Variants in COL7A1 observed in about 807,000 individuals in gnomAD.
COL7A1 encodes the protein collagen alpha-1(VII) chain.
Under a neutral mutation model 456.2 loss-of-function variants are expected in COL7A1, and 296 were observed. The observed-to-expected ratio is 0.65, with a 90% CI of 0.59 to 0.71. The LOEUF is 0.71. COL7A1 is among the 30% of genes least tolerant of loss of function. The probability of loss-of-function intolerance (pLI) is 0.00; values close to 1 mark genes in which losing one functional copy is unlikely to be tolerated. For missense variants in COL7A1, 3,441 were observed against 4,017.2 expected (o/e 0.86, Z 3.88); for synonymous variants, 1,464 against 1,525.9 (o/e 0.96, Z 0.95).
rs1406399587 is a variant in COL7A1 at position 48,588,432 on chromosome 3, G to A, written c.2588-28C>T. 1.2e-6 allele frequency: 2 copies of A among 1,604,082 alleles called. No homozygotes were observed. The highest frequency in any genetic ancestry group is 4.5e-5 in the East Asian group (2 of 44,788). ...GGAGAGAAAGCTCAGGAATCAGGGA[G>A]GCTCTGCCCCCATGGCCCCTGCACC... On this transcript the variant is annotated intron_variant, in intron 20 of 118. Coordinates refer to ENST00000681320, the MANE Select transcript of COL7A1 (RefSeq NM_000094.4). The surrounding 1 kb of genome is among the most constrained non-coding windows in gnomAD (Gnocchi z 4.6).
Position 48,570,792 on chromosome 3 carries a change from C to A in COL7A1, c.7272+69G>T. On this transcript the variant is annotated intron_variant, in intron 95 of 118. Coordinates refer to ENST00000681320, the MANE Select transcript of COL7A1 (RefSeq NM_000094.4). This position sits in a 1 kb window ranked among gnomAD's most constrained non-coding sequence, Gnocchi z 5.5. ...CTGCCCCCTCAAGACTGGGAACCCC[C>A]AAGGCAGGGCCCCCTCCTCACCCAC... 2 of 1,560,854 alleles carry A rather than the reference C, an allele frequency of 1.3e-6. No homozygotes were observed. Among genetic ancestry groups the A allele is most frequent in the Non-Finnish European group, 1.7e-6 (2 of 1,152,350 alleles).
rs996671455 is a variant in COL7A1, at chr3:48,572,272, A to G, written c.6979-101T>C. ...GAGCTTAAATATGCGGTCTACTATG[A>G]AAGCTGAGGGTCATGAGGGTGGGTA... On this transcript the variant is annotated intron_variant, in intron 90 of 118. Coordinates refer to ENST00000681320, the MANE Select transcript of COL7A1 (RefSeq NM_000094.4). This position sits in a 1 kb window ranked among gnomAD's most constrained non-coding sequence, Gnocchi z 4.6. The G allele has an allele frequency of 3.7e-6, 6 of 1,611,328 alleles. No individual in the cohort carries two copies. In the African/African-American group the frequency reaches 8.0e-5, roughly 22 times the overall value.
Position 48,573,322 on chromosome 3 carries a change from T to C in COL7A1, c.6645A>G (p.Pro2215=). 6.2e-7 allele frequency: 1 copy of C among 1,613,996 alleles called. No individual in the cohort carries two copies. Among genetic ancestry groups the C allele is most frequent in the Non-Finnish European group, 8.5e-7 (1 of 1,179,998 alleles). The change falls in exon 84 of 119, where the codon CCA becomes CCG. Residue 2215 remains proline (P), a synonymous_variant. Transcript: ENST00000681320. This position sits in a 1 kb window ranked among gnomAD's most constrained non-coding sequence, Gnocchi z 5.5. ...TGTGAGCTAGGCCACTCACCCGTCCTGGAGGTCCTGTCTCTCCAGGCTCCC... is the reference window on the plus strand; with the variant it reads ...TGTGAGCTAGGCCACTCACCCGTCCCGGAGGTCCTGTCTCTCCAGGCTCCC... The part of the protein sequence containing the change: ...LKGEPGETGP[P]GRGLTGPTGA...
intron 46 of COL7A1, 44 bp downstream of exon 46, chr3:48,582,434 A>T (rs1379158493): frequency 6.2e-7 from 1 of 1,614,116 alleles, no homozygotes; most frequent in Admixed American, 1.7e-5. Flanking sequence ...CCCATCTGCC[A>T]CATCCCTAGT....
Position 48,578,453 on chromosome 3 carries a change from C to T in COL7A1, c.5487G>A (p.Pro1829=), listed in dbSNP as rs750754861. 6.2e-6 allele frequency: 10 copies of T among 1,613,204 alleles called. No individual in the cohort carries two copies. Among genetic ancestry groups the T allele is most frequent in the Non-Finnish European group, 6.8e-6 (8 of 1,180,030 alleles). Residue 1829 remains proline, a splice_region_variant and synonymous_variant, in exon 64 of 119, where the codon CCG becomes CCA. Coordinates refer to ENST00000681320, the MANE Select transcript of COL7A1 (RefSeq NM_000094.4). This position sits in a 1 kb window ranked among gnomAD's most constrained non-coding sequence, Gnocchi z 4.7. ...GGGTAACATGAAAGTCTGGTCTCAC[C>T]GGTAATCCAGGGGGACCAGAGGGGC... is the stretch of plus-strand genomic sequence containing the variant. ...LPGPSGPPGL[P]GKPGEDGKPG...
chr3:48,595,051 C>T lies in COL7A1; in HGVS notation c.85+24G>A, dbSNP rs763652135. ...GGTGGCACGGTGCAGTGCCCCGGGC[C>T]GGGTCCTCCCTTGCGGTGCCCACCT... On this transcript the variant is annotated intron_variant, in intron 2 of 118. Transcript: ENST00000681320. 31 of 1,537,524 alleles carry T rather than the reference C, an allele frequency of 2.0e-5. 2 individuals carry two copies. The Middle Eastern group carries it at 7.6e-4, about 38-fold the overall frequency.
rs187145965 is a variant in COL7A1, at chr3:48,580,251, C to G, written c.5097+49G>C. On this transcript the variant is annotated intron_variant, in intron 56 of 118. Coordinates refer to ENST00000681320, the MANE Select transcript of COL7A1 (RefSeq NM_000094.4). This position sits in a 1 kb window ranked among gnomAD's most constrained non-coding sequence, Gnocchi z 4.5. Reference sequence around the variant, plus strand: ...GTGTGAAGGCACACTGGCAGCAGCGCCAGGGGACCCTCCATCCCTTCTGAG... The same window carrying G: ...GTGTGAAGGCACACTGGCAGCAGCGGCAGGGGACCCTCCATCCCTTCTGAG... 1 of 1,599,016 alleles carries G rather than the reference C, an allele frequency of 6.3e-7. No individual in the cohort carries two copies. The highest frequency in any genetic ancestry group is 1.7e-5 in the Admixed American group (1 of 58,654).
Position 48,581,990 on chromosome 3 carries a change from T to C in COL7A1, c.4636-47A>G, listed in dbSNP as rs531893327. The C allele has an allele frequency of 1.5e-4, 248 of 1,613,466 alleles. 5 individuals are homozygous for C. In the South Asian group the frequency reaches 2.5e-3, roughly 16 times the overall value. ...ACAGCTTGGCCCTGCCTTGGGGTTG[T>C]ATGATCAAAGTCTTCATTGGAATGG... On this transcript the variant is annotated intron_variant, in intron 47 of 118. Transcript: ENST00000681320. This position sits in a 1 kb window ranked among gnomAD's most constrained non-coding sequence, Gnocchi z 5.8.
chr3:48,589,680 C>A lies in COL7A1; in HGVS notation c.2089G>T (p.Ala697Ser). 1 of 1,614,088 alleles carries A rather than the reference C, an allele frequency of 6.2e-7. No homozygotes were observed. Among genetic ancestry groups the A allele is most frequent in the Non-Finnish European group, 8.5e-7 (1 of 1,180,032 alleles). ...GPVRTVHVTQ[A>S]SSSSVTITWT... ...GTAATGGTGACAGATGAGCTGCTGG[C>A]CTGAGTCACATGGACCGTCCTCACT... Residue 697 changes from alanine (A) to serine (S), a missense_variant, in exon 17 of 119, where the codon GCC becomes TCC. Ala to Ser is a moderately conservative substitution (Grantham distance 99, BLOSUM62 1). This residue lies in a region of COL7A1 where 913 missense variants were observed against 1,088.2 expected (regional missense o/e 0.84). Coordinates refer to ENST00000681320, the MANE Select transcript of COL7A1 (RefSeq NM_000094.4).
rs1163096987 is a variant in COL7A1, at chr3:48,593,351, C to T, written c.520+5G>A. ...GCTGACCTGTCACTCCTGCTCGGTCCTTACCCACAGCAAATAGCTTGACCC... is the reference window on the plus strand; with the variant it reads ...GCTGACCTGTCACTCCTGCTCGGTCTTTACCCACAGCAAATAGCTTGACCC... On this transcript the variant is annotated splice_donor_5th_base_variant and intron_variant, in intron 5 of 118. Transcript: ENST00000681320. The surrounding 1 kb of genome is among the most constrained non-coding windows in gnomAD (Gnocchi z 4.4). 1.9e-6 allele frequency: 3 copies of T among 1,613,948 alleles called. No individual in the cohort carries two copies. The highest frequency in any genetic ancestry group is 2.2e-5 in the South Asian group (2 of 91,078).
Position 48,580,800 on chromosome 3 carries a change from A to T in COL7A1, c.4980+82T>A. On this transcript the variant is annotated intron_variant, in intron 54 of 118. Coordinates refer to ENST00000681320, the MANE Select transcript of COL7A1 (RefSeq NM_000094.4). The surrounding 1 kb of genome is among the most constrained non-coding windows in gnomAD (Gnocchi z 4.5). ...ATGCCTCCCTGCAGGGACTCCCATC[A>T]CCCCTTACCCCCCTCAGCCTTTCCT... The T allele has an allele frequency of 1.3e-6, 2 of 1,588,036 alleles. No individual in the cohort carries two copies. Among genetic ancestry groups the T allele is most frequent in the Non-Finnish European group, 1.7e-6 (2 of 1,157,472 alleles).
chr3:48,579,002 CTCTAG>C lies in COL7A1; in HGVS notation c.5389-53_5389-49del, dbSNP rs780056635. 2 of 1,612,414 alleles carry C rather than the reference CTCTAG, an allele frequency of 1.2e-6. No individual in the cohort carries two copies. The highest frequency in any genetic ancestry group is 3.3e-5 in the Admixed American group (2 of 60,000). On this transcript the variant is annotated intron_variant, in intron 62 of 118. Coordinates refer to ENST00000681320, the MANE Select transcript of COL7A1 (RefSeq NM_000094.4). This position sits in a 1 kb window ranked among gnomAD's most constrained non-coding sequence, Gnocchi z 4.4. The stretch of plus-strand genomic sequence containing the variant: ...TTCATCATGGTCATGGGGTCAGGGG[CTCTAG>C]TCCCTGTGAGCCTAAGGCCTGCATG...
At position 48,564,929 on chromosome 3, in the gene COL7A1, C is replaced by A. The variant is rs781582727; in HGVS notation, c.8672G>T (p.Arg2891Leu). Residue 2891 changes from arginine (R) to leucine (L), a missense_variant, in exon 118 of 119, where the codon CGC becomes CTC. Coordinates refer to ENST00000681320, the MANE Select transcript of COL7A1 (RefSeq NM_000094.4). This position sits in a 1 kb window ranked among gnomAD's most constrained non-coding sequence, Gnocchi z 6.0. ...GCCTGTCACAGCCCGATGGTACCAG[C>A]GCAGGGTGTAGGCAGTGCAGGAGCC... is the stretch of plus-strand genomic sequence containing the variant. ...DEGSCTAYTLRWYHRAVTGST... is the reference protein window; with the variant it reads ...DEGSCTAYTLLWYHRAVTGST... 1.2e-6 allele frequency: 2 copies of A among 1,614,204 alleles called. No individual in the cohort carries two copies. The highest frequency in any genetic ancestry group is 2.2e-5 in the South Asian group (2 of 91,086).
chr3:48,589,421 C>A lies in COL7A1; in HGVS notation c.2220G>T (p.Leu740=), dbSNP rs2045535311. 1 of 1,613,804 alleles carries A rather than the reference C, an allele frequency of 6.2e-7. No homozygotes were observed. The highest frequency in any genetic ancestry group is 8.5e-7 in the Non-Finnish European group (1 of 1,180,026). ...ACTCAGTATCTGGCTCCAGTCCATCCAGCTCAGCCACCGTGGCCTCCCCAG... is the reference window on the plus strand; with the variant it reads ...ACTCAGTATCTGGCTCCAGTCCATCAAGCTCAGCCACCGTGGCCTCCCCAG... ...LVSGEATVAE[L]DGLEPDTEYT... The change falls in exon 18 of 119, where the codon CTG becomes CTT. Residue 740 remains leucine (L), a synonymous_variant. Coordinates refer to ENST00000681320, the MANE Select transcript of COL7A1 (RefSeq NM_000094.4).
rs1428196279 is a variant in COL7A1 at position 48,592,269 on chromosome 3, G to A, written c.1094-21C>T. 25 of 1,613,700 alleles carry A rather than the reference G, an allele frequency of 1.5e-5. No individual in the cohort carries two copies. Among genetic ancestry groups the A allele is most frequent in the Non-Finnish European group, 2.1e-5 (25 of 1,180,000 alleles). On this transcript the variant is annotated intron_variant, in intron 9 of 118. Coordinates refer to ENST00000681320, the MANE Select transcript of COL7A1 (RefSeq NM_000094.4). The surrounding 1 kb of genome is among the most constrained non-coding windows in gnomAD (Gnocchi z 7.6). ...CCCACCTGCATGGGGGACACCAAGG[G>A]GCCAGTGGGCCTTGCAGACTCAGGA...
In COL7A1 at chr3:48,580,127, G is replaced by A; in HGVS notation, c.5098-70C>T. On this transcript the variant is annotated intron_variant, in intron 56 of 118. Transcript: ENST00000681320. This position sits in a 1 kb window ranked among gnomAD's most constrained non-coding sequence, Gnocchi z 4.5. Reference sequence around the variant, plus strand: ...AGGCCATGGCTCTGGTTTGCCCCAGGCTCAACTCTGCCCCCAAGTTCCCCG... The same window carrying A: ...AGGCCATGGCTCTGGTTTGCCCCAGACTCAACTCTGCCCCCAAGTTCCCCG... 1 of 1,589,636 alleles carries A rather than the reference G, an allele frequency of 6.3e-7. No individual in the cohort carries two copies. Among genetic ancestry groups the A allele is most frequent in the Non-Finnish European group, 8.6e-7 (1 of 1,161,334 alleles).
Position 48,590,132 on chromosome 3 carries a change from A to C in COL7A1, c.2050+81T>G, listed in dbSNP as rs770876009. The C allele has an allele frequency of 1.6e-5, 24 of 1,518,778 alleles. No homozygotes were observed. The highest frequency in any genetic ancestry group is 2.2e-5 in the Non-Finnish European group (24 of 1,113,804). The allele number at this position is 1,518,778 out of a possible 1,614,324, so 94.1% of individuals were successfully genotyped here. On this transcript the variant is annotated intron_variant, in intron 16 of 118. Coordinates refer to ENST00000681320, the MANE Select transcript of COL7A1 (RefSeq NM_000094.4). This position sits in a 1 kb window ranked among gnomAD's most constrained non-coding sequence, Gnocchi z 4.6. ...GGGGGAGGCAGGAGTTCTGGGGAGAAGCAAGGGTCTGCAAGGGAAGGCATG... is the reference window on the plus strand; with the variant it reads ...GGGGGAGGCAGGAGTTCTGGGGAGACGCAAGGGTCTGCAAGGGAAGGCATG...
In COL7A1 at chr3:48,569,621, G is replaced by A. The variant is rs1482930119; in HGVS notation, c.7585C>T (p.Pro2529Ser). Reference protein sequence around the residue: ...KGDSAVILGPPGPRGAKGDMG... With the variant: ...KGDSAVILGPSGPRGAKGDMG... ...TCCCCCTTGGCACCCCGTGGGCCTG[G>A]AGGCCCCAGGATCACAGCTGAGTCT... is the stretch of plus-strand genomic sequence containing the variant. Residue 2529 changes from proline (P) to serine (S), a missense_variant, in exon 102 of 119, where the codon CCA becomes TCA. By Grantham distance (74) the Pro-to-Ser change is moderately conservative. Around this residue, in one of 3 missense-constraint regions of COL7A1, gnomAD observed 2,084 missense variants for 2,501.3 expected, o/e 0.83. Coordinates refer to ENST00000681320, the MANE Select transcript of COL7A1 (RefSeq NM_000094.4). This position sits in a 1 kb window ranked among gnomAD's most constrained non-coding sequence, Gnocchi z 4.9. 3 of 1,613,784 alleles carry A rather than the reference G, an allele frequency of 1.9e-6. No individual in the cohort carries two copies. Among genetic ancestry groups the A allele is most frequent in the Non-Finnish European group, 2.5e-6 (3 of 1,179,840 alleles).
rs1325414611 is a variant in COL7A1, at chr3:48,565,113, A to G, written c.8616T>C (p.Ser2872=). ...CTGGCAGCCCCCCATTCTCACCATC[A>G]CTATCCCAAGGAGCTTCAGGGTCCT... ...EYQDPEAPWD[S]DDPCSLPLDE... Residue 2872 remains serine (S), a synonymous_variant, in exon 117 of 119, where the codon AGT becomes AGC. Transcript: ENST00000681320. This position sits in a 1 kb window ranked among gnomAD's most constrained non-coding sequence, Gnocchi z 4.5. The G allele has an allele frequency of 6.2e-7, 1 of 1,613,940 alleles. No homozygotes were observed. The highest frequency in any genetic ancestry group is 8.5e-7 in the Non-Finnish European group (1 of 1,179,864).
Sources: gnomAD v4.1 joint callset for allele counts on GRCh38, gnomAD v4.1.1 for gene constraint, gnomAD v4.1.1 regional missense constraint, Gnocchi (gnomAD v3.1) non-coding constraint, MANE v1.5 for transcripts, NCBI Gene and HGNC (gene_info 2026-07-23, HGNC 2026-07-21) for gene names.